TBC1D12: variants seen among roughly 807,000 people sequenced by gnomAD.
The protein encoded by TBC1D12 is TBC1 domain family member 12.
TBC1D12 carries 56 observed loss-of-function variants against 86.7 expected under a neutral mutation model. The ratio of observed to expected loss-of-function variants is 0.65; its 90% confidence interval spans 0.52 to 0.81. TBC1D12 has a LOEUF of 0.81. TBC1D12 is among the 30% of genes least tolerant of loss of function. The probability of loss-of-function intolerance (pLI) is 0.00; values close to 1 mark genes in which losing one functional copy is unlikely to be tolerated. For missense variants in TBC1D12, 1,023 were observed against 1,038.8 expected (o/e 0.98, Z 0.21); for synonymous variants, 421 against 411.7 (o/e 1.02, Z -0.27).
chr10:94,443,074 G>A (rs1445324569), intron 2 of TBC1D12, among the ~76,000 whole-genome samples: 4 of 152,140 alleles, frequency 2.6e-5, no homozygotes, highest in Admixed American at 2.6e-4. Flanking sequence ...TCCTGGCACA[G>A]CTGTCAAAAG....
intron 9 of TBC1D12, among the ~76,000 whole-genome samples, chr10:94,519,131 C>T (rs1842076277): frequency 6.6e-6 from 1 of 152,128 alleles, no homozygotes; most frequent in African/African-American, 2.4e-5. Flanking sequence ...TATGCCATTG[C>T]TTAATTGGCA....
At chr10:94,414,903 A>G (rs2054978929) in intron 1 of TBC1D12, among the ~76,000 whole-genome samples, 1 of 152,148 alleles carries the variant, frequency 6.6e-6, no homozygotes, top group Admixed American at 6.5e-5. Context: ...TTTTAATAAC[A>G]GGTTGTACAT....
At chr10:94,452,889 A>G (rs2055572680) in intron 2 of TBC1D12, among the ~76,000 whole-genome samples, 1 of 152,208 alleles carries the variant, frequency 6.6e-6, no homozygotes, top group Non-Finnish European at 1.5e-5. Flanking sequence ...ACCATTGTGC[A>G]TTTCCAGCAG....
intron 2 of TBC1D12, among the ~76,000 whole-genome samples, chr10:94,460,351 T>C (rs2055705958): frequency 6.6e-6 from 1 of 152,250 alleles, no homozygotes; most frequent in Non-Finnish European, 1.5e-5. Context: ...AGAAAGTTTT[T>C]TTCCTTCACT....
chr10:94,512,176 T>C (rs2056536129), intron 9 of TBC1D12, among the ~76,000 whole-genome samples: 1 of 152,254 alleles, frequency 6.6e-6, no homozygotes, highest in Non-Finnish European at 1.5e-5. Context: ...CTTCCTCCTC[T>C]GTAGATATTT....
chr10:94,455,531 T>C (rs2055614652), intron 2 of TBC1D12, among the ~76,000 whole-genome samples: 1 of 152,220 alleles, frequency 6.6e-6, no homozygotes, highest in Admixed American at 6.5e-5. Flanking sequence ...GCTTTCTGTT[T>C]TGGAAGATTA....
chr10:94,459,302 C>A (rs2055685076), intron 2 of TBC1D12, among the ~76,000 whole-genome samples: 1 of 152,140 alleles, frequency 6.6e-6, no homozygotes, highest in Non-Finnish European at 1.5e-5. Context: ...GAACTAGACA[C>A]AAGGTGCTGA....
intron 2 of TBC1D12, among the ~76,000 whole-genome samples, chr10:94,452,359 A>G (rs151285136): frequency 1.3e-5 from 2 of 152,224 alleles, no homozygotes; most frequent in Admixed American, 6.5e-5. Flanking sequence ...GGCTTTGGAC[A>G]AATGTATAAT....
At chr10:94,442,160 G>A (rs927674917) in intron 2 of TBC1D12, 141 bp downstream of exon 2, 2 of 858,780 alleles carry the variant, frequency 2.3e-6, no homozygotes, top group Non-Finnish European at 1.6e-6. Flanking sequence ...GGGATTATAA[G>A]TATTTATAGG....
chr10:94,490,940 T>C (rs1473374166), intron 3 of TBC1D12, among the ~76,000 whole-genome samples: 2 of 152,144 alleles, frequency 1.3e-5, no homozygotes, highest in African/African-American at 4.8e-5. Context: ...GCCAAAACCT[T>C]GAGAGGACTC....
rs74531608 is a variant in TBC1D12 at position 94,530,274 on chromosome 10, A to G, written c.2001-928A>G. ...GCTCCCAGAGAACCACTGGATAAAG[A>G]ATTACGTGGTCAGACATTGTCAGAA... is the stretch of plus-strand genomic sequence containing the variant. On this transcript the variant is annotated intron_variant, in intron 11 of 12. Coordinates refer to ENST00000225235, the MANE Select transcript of TBC1D12 (RefSeq NM_015188.2). Among the ~76,000 whole-genome samples, 740 of 152,288 alleles carry G rather than the reference A, an allele frequency of 4.9e-3. 5 individuals are homozygous for G. Among genetic ancestry groups the G allele is most frequent in the African/African-American group, 0.017 (707 of 41,554 alleles).
At chr10:94,524,745 A>AG (rs916495995) in intron 11 of TBC1D12, among the ~76,000 whole-genome samples, 1 of 151,452 alleles carries the variant, frequency 6.6e-6, no homozygotes, top group Non-Finnish European at 1.5e-5. Context: ...AAAAAAAAAA[A>AG]GATATGTACT....
intron 9 of TBC1D12, among the ~76,000 whole-genome samples, chr10:94,514,039 CA>C (rs1011839733): frequency 1.2e-4 from 12 of 98,094 alleles, no homozygotes; most frequent in East Asian, 3.4e-4. Flanking sequence ...TAATAAATCT[CA>C]AAAAAAAAAC....
At chr10:94,462,143 T>C (rs1224456745) in intron 2 of TBC1D12, among the ~76,000 whole-genome samples, 1 of 152,230 alleles carries the variant, frequency 6.6e-6, no homozygotes, top group African/African-American at 2.4e-5. Flanking sequence ...GGTATTGGGA[T>C]AATACAATCA....
intron 3 of TBC1D12, 63 bp from the exon 4 acceptor site, chr10:94,493,300 TAA>T: frequency 7.8e-7 from 1 of 1,280,592 alleles, no homozygotes; most frequent in Non-Finnish European, 1.1e-6. Flanking sequence ...TAAAAACAAA[TAA>T]GTTAGTAAGT....
In TBC1D12 at chr10:94,535,700, C is replaced by T. The variant is rs1166342059; in HGVS notation, c.*2604C>T. On this transcript the variant is annotated 3_prime_UTR_variant, in exon 13 of 13. Transcript: ENST00000225235. ...ATCCTTGATAGAGGGAATATAACAT[C>T]TGGCAGTAATCTCATTCAGGTTATA... 1.3e-5 allele frequency: 2 copies of T among 152,180 alleles called. No homozygotes were observed. Among genetic ancestry groups the T allele is most frequent in the Non-Finnish European group, 2.9e-5 (2 of 68,024 alleles). The allele number at this position is 152,180 out of a possible 1,614,324, so 9.4% of individuals were successfully genotyped here.
chr10:94,426,753 T>A (rs2055152133), intron 1 of TBC1D12, among the ~76,000 whole-genome samples: 1 of 152,022 alleles, frequency 6.6e-6, no homozygotes, highest in Admixed American at 6.6e-5. Context: ...ATTTTTTGTA[T>A]TTTTAGTAGA....
chr10:94,442,023 A>G lies in TBC1D12; in HGVS notation c.1095+4A>G. The G allele has an allele frequency of 1.2e-6, 2 of 1,610,270 alleles. No homozygotes were observed. Among genetic ancestry groups the G allele is most frequent in the South Asian group, 2.2e-5 (2 of 90,040 alleles). On this transcript the variant is annotated splice_donor_region_variant and intron_variant, in intron 2 of 12. Transcript: ENST00000225235. ...AACATCCAAAATCATTCAGCAGGTA[A>G]GTACTGACATAGCCATGTAGTTTAC... is the stretch of plus-strand genomic sequence containing the variant.
intron 2 of TBC1D12, among the ~76,000 whole-genome samples, chr10:94,454,533 G>T (rs746091005): frequency 5.3e-5 from 8 of 152,118 alleles, no homozygotes; most frequent in Non-Finnish European, 1.5e-5. Context: ...CATAAACATG[G>T]AATATCTCTT....
Sources: allele counts gnomAD v4.1 joint callset (sites outside exome capture counted in the v4.1 genomes callset), GRCh38; gene constraint gnomAD v4.1.1; transcripts MANE v1.5; gene names NCBI Gene and HGNC (gene_info 2026-07-23, HGNC 2026-07-21).